The following ITFG1 variants were observed in gnomAD, a reference collection of about 807,000 sequenced individuals.
The protein encoded by ITFG1 is integrin alpha FG-GAP repeat containing 1.
ITFG1 carries 34 observed loss-of-function variants against 81.8 expected under a neutral mutation model. The observed-to-expected ratio is 0.42, with a 90% CI of 0.32 to 0.55. ITFG1 has a LOEUF of 0.55. Ranked by LOEUF, ITFG1 falls within the 20% of genes least tolerant of loss-of-function variation. The pLI is 0.17. For synonymous variants in ITFG1, 285 were observed against 270.6 expected, an observed-to-expected ratio of 1.05 and a Z score of -0.52; for missense variants, 672 against 755.4, an observed-to-expected ratio of 0.89 and a Z score of 1.29.
At chr16:47,300,830 T>C (rs2151559491) in intron 10 of ITFG1, among the ~76,000 whole-genome samples, 1 of 152,326 alleles carries the variant, frequency 6.6e-6, no homozygotes, top group Admixed American at 6.5e-5. Context: ...AATGCTCCTT[T>C]GTAAGTATAG....
At chr16:47,218,995 T>C (rs769841007) in intron 13 of ITFG1, 49 bp from the exon 14 acceptor site, 2 of 1,369,494 alleles carry the variant, frequency 1.5e-6, no homozygotes, top group South Asian at 2.7e-5. Context: ...AAGTGAATTA[T>C]TGGAAGTTTC....
chr16:47,222,276 G>A (rs961121958), intron 13 of ITFG1, among the ~76,000 whole-genome samples: 31 of 151,088 alleles, frequency 2.1e-4, no homozygotes, highest in African/African-American at 7.5e-4. Flanking sequence ...CAGAGATTCT[G>A]GTATGTTGTG....
At chr16:47,434,676 T>A (rs1969142918) in intron 5 of ITFG1, among the ~76,000 whole-genome samples, 1 of 152,192 alleles carries the variant, frequency 6.6e-6, no homozygotes. Context: ...AAATACCATT[T>A]GATCTACCAA....
intron 14 of ITFG1, among the ~76,000 whole-genome samples, chr16:47,188,850 C>A (rs1008894105): frequency 6.6e-6 from 1 of 152,088 alleles, no homozygotes; most frequent in Non-Finnish European, 1.5e-5. Context: ...CTGCAACCTC[C>A]ACTTCCTGGG....
intron 10 of ITFG1, among the ~76,000 whole-genome samples, chr16:47,280,513 T>C (rs1966440078): frequency 6.6e-6 from 1 of 152,184 alleles, no homozygotes; most frequent in Non-Finnish European, 1.5e-5. Flanking sequence ...ATGGGAAATA[T>C]ATATTTGGTC....
At chr16:47,289,752 G>A (rs1966886485) in intron 10 of ITFG1, among the ~76,000 whole-genome samples, 1 of 151,686 alleles carries the variant, frequency 6.6e-6, no homozygotes, top group Non-Finnish European at 1.5e-5. Context: ...TTATCTAGAT[G>A]AGTCTAGCTA....
At chr16:47,221,822 T>C (rs1965695462) in intron 13 of ITFG1, among the ~76,000 whole-genome samples, 1 of 152,228 alleles carries the variant, frequency 6.6e-6, no homozygotes, top group South Asian at 2.1e-4. Context: ...GGAGAGTGTA[T>C]GTGTCGAGAA....
chr16:47,254,853 A>G (rs1407924604), intron 12 of ITFG1, among the ~76,000 whole-genome samples: 2 of 152,172 alleles, frequency 1.3e-5, no homozygotes, highest in Non-Finnish European at 2.9e-5. Context: ...TAAGCTTCAG[A>G]CTTGAGAAAA....
chr16:47,213,015 C>G (rs1965581990), intron 14 of ITFG1, among the ~76,000 whole-genome samples: 1 of 152,142 alleles, frequency 6.6e-6, no homozygotes, highest in African/African-American at 2.4e-5. Flanking sequence ...GAGACTTACT[C>G]TTTTCTATTA....
intron 8 of ITFG1, among the ~76,000 whole-genome samples, chr16:47,329,300 G>T (rs1049423572): frequency 4.6e-5 from 7 of 152,116 alleles, no homozygotes; most frequent in African/African-American, 1.7e-4. Flanking sequence ...CTGCTTTCAG[G>T]ACTGTCTGTT....
intron 14 of ITFG1, among the ~76,000 whole-genome samples, chr16:47,188,779 AAAAATAC>A (rs1965257756): frequency 6.6e-6 from 1 of 151,936 alleles, no homozygotes. Context: ...ATAAGAAAAA[AAAAATAC>A]AAAAAAAGTG....
At chr16:47,455,101 A>G (rs1175284593) in intron 2 of ITFG1, among the ~76,000 whole-genome samples, 1 of 152,220 alleles carries the variant, frequency 6.6e-6, no homozygotes, top group Non-Finnish European at 1.5e-5. Context: ...AAGTCTACAA[A>G]AGGAACAATT....
chr16:47,299,069 C>T (rs141239630), intron 10 of ITFG1, among the ~76,000 whole-genome samples: 49 of 152,128 alleles, frequency 3.2e-4, no homozygotes, highest in African/African-American at 9.2e-4. Context: ...CTGAGGTCTC[C>T]GCTTGGGGAG....
intron 10 of ITFG1, among the ~76,000 whole-genome samples, chr16:47,271,437 G>A (rs1966338782): frequency 6.6e-6 from 1 of 152,146 alleles, no homozygotes; most frequent in Non-Finnish European, 1.5e-5. Flanking sequence ...CCACCAGGAT[G>A]GCTAAAATAA....
intron 10 of ITFG1, among the ~76,000 whole-genome samples, chr16:47,280,714 A>G (rs1966442187): frequency 6.6e-6 from 1 of 152,124 alleles, no homozygotes; most frequent in Non-Finnish European, 1.5e-5. Flanking sequence ...AGAAACAACA[A>G]TCTTTGATCA....
At chr16:47,233,114 G>C (rs1042189382) in intron 13 of ITFG1, among the ~76,000 whole-genome samples, 1 of 152,182 alleles carries the variant, frequency 6.6e-6, no homozygotes, top group Non-Finnish European at 1.5e-5. Context: ...AATGCAAGGA[G>C]AGCTTCCAGT....
intron 6 of ITFG1, among the ~76,000 whole-genome samples, chr16:47,419,034 C>A (rs746438066): frequency 6.6e-6 from 1 of 152,174 alleles, no homozygotes; most frequent in Non-Finnish European, 1.5e-5. Context: ...CATGAGATAT[C>A]TATTTTTAAT....
intron 13 of ITFG1, among the ~76,000 whole-genome samples, chr16:47,235,671 C>G (rs999013078): frequency 6.6e-6 from 1 of 152,120 alleles, no homozygotes; most frequent in Non-Finnish European, 1.5e-5. Flanking sequence ...CTATTCAACT[C>G]ATGAATTAAC....
At chr16:47,204,739 A>C (rs1965471321) in intron 14 of ITFG1, among the ~76,000 whole-genome samples, 1 of 152,190 alleles carries the variant, frequency 6.6e-6, no homozygotes, top group Non-Finnish European at 1.5e-5. Flanking sequence ...CTGCAGCAGG[A>C]TGCACCATGG....
Sources: allele counts gnomAD v4.1 joint callset (sites outside exome capture counted in the v4.1 genomes callset), GRCh38; gene constraint gnomAD v4.1.1; transcripts MANE v1.5; gene names NCBI Gene and HGNC (gene_info 2026-07-23, HGNC 2026-07-21).